Variants in CTTNBP2 observed in about 807,000 individuals in gnomAD.
The protein encoded by CTTNBP2 is cortactin binding protein 2, also known as cortactin-binding protein 2.
A neutral mutation model predicts 156.9 loss-of-function variants in CTTNBP2; 108 were observed. That is an observed-to-expected ratio of 0.69 (90% confidence interval 0.59 to 0.81). The LOEUF is 0.81. Ranked by LOEUF, CTTNBP2 falls within the 30% of genes least tolerant of loss-of-function variation. The probability of loss-of-function intolerance (pLI) is 0.00; values close to 1 mark genes in which losing one functional copy is unlikely to be tolerated. For synonymous variants in CTTNBP2, 767 were observed against 751.8 expected, an observed-to-expected ratio of 1.02 and a Z score of -0.33; for missense variants, 1,924 against 2,035.4, an observed-to-expected ratio of 0.95 and a Z score of 1.05.
chr7:117,847,456 A>C (rs35332497), intron 2 of CTTNBP2, among the ~76,000 whole-genome samples: 1 of 152,194 alleles, frequency 6.6e-6, no homozygotes, highest in Admixed American at 6.5e-5. Flanking sequence ...GAATTGCTTA[A>C]ATCAGGAGGC....
intron 22 of CTTNBP2, 73 bp downstream of exon 22, chr7:117,717,945 C>T: frequency 1.1e-6 from 1 of 944,940 alleles, no homozygotes; most frequent in Non-Finnish European, 1.7e-6. Context: ...GTGATTCACA[C>T]TGAAAGATGA....
chr7:117,835,479 C>A (rs2117100724), intron 2 of CTTNBP2, among the ~76,000 whole-genome samples: 1 of 152,300 alleles, frequency 6.6e-6, no homozygotes, highest in Non-Finnish European at 1.5e-5. Context: ...GAAGCAGATT[C>A]AAACAAGGCA....
Position 117,777,528 on chromosome 7 carries a change from C to T in CTTNBP2, c.2761G>A (p.Ala921Thr), listed in dbSNP as rs780606945. 3.1e-6 allele frequency: 5 copies of T among 1,613,038 alleles called. No homozygotes were observed. The highest frequency in any genetic ancestry group is 4.2e-6 in the Non-Finnish European group (5 of 1,179,780). Reference sequence around the variant, plus strand: ...AGACACACCTTAAAACCTTTGGAAGCAGCAATGTGGGCAGCAGTCCAGCCT... The same window carrying T: ...AGACACACCTTAAAACCTTTGGAAGTAGCAATGTGGGCAGCAGTCCAGCCT... ...REGWTAAHIA[A>T]SKGFKNCLEI... Residue 921 changes from alanine (A) to threonine (T), a missense_variant, in exon 8 of 23, where the codon GCT (alanine) becomes ACT (threonine). Physicochemically the swap from Ala to Thr is moderately conservative, Grantham distance 58. Transcript: ENST00000160373.
chr7:117,774,636 CATGG>C (rs996555715), intron 8 of CTTNBP2, among the ~76,000 whole-genome samples: 2 of 148,220 alleles, frequency 1.3e-5, no homozygotes, highest in African/African-American at 5.0e-5. Flanking sequence ...CACCCCCAAC[CATGG>C]AAAAATTGTC....
chr7:117,838,671 C>T (rs1173495265), intron 2 of CTTNBP2, among the ~76,000 whole-genome samples: 5 of 151,898 alleles, frequency 3.3e-5, no homozygotes, highest in East Asian at 3.9e-4. Context: ...TGGAGACAGA[C>T]GAATCTCCAT....
intron 2 of CTTNBP2, among the ~76,000 whole-genome samples, chr7:117,830,779 C>T (rs1801553285): frequency 6.6e-6 from 1 of 152,158 alleles, no homozygotes; most frequent in Admixed American, 6.5e-5. Context: ...TGGAAGCTGC[C>T]TGCTCTGCAC....
chr7:117,796,364 C>A (rs945667485), intron 3 of CTTNBP2, among the ~76,000 whole-genome samples: 1 of 152,114 alleles, frequency 6.6e-6, no homozygotes, highest in Non-Finnish European at 1.5e-5. Context: ...AGCTCAGAGA[C>A]AAACTATGTG....
At chr7:117,794,522 C>T (rs1325896974) in intron 3 of CTTNBP2, among the ~76,000 whole-genome samples, 2 of 152,184 alleles carry the variant, frequency 1.3e-5, no homozygotes, top group Non-Finnish European at 2.9e-5. Context: ...AAGGAAGATA[C>T]TCTCATGATC....
At chr7:117,780,214 G>A (rs1309502590) in intron 7 of CTTNBP2, among the ~76,000 whole-genome samples, 2 of 152,168 alleles carry the variant, frequency 1.3e-5, no homozygotes, top group Non-Finnish European at 1.5e-5. Flanking sequence ...TTTCCTGTTT[G>A]ACAGATTAAT....
At chr7:117,719,157 C>T (rs193110566) in intron 21 of CTTNBP2, among the ~76,000 whole-genome samples, 238 of 152,194 alleles carry the variant, frequency 1.6e-3, no homozygotes, top group Admixed American at 2.5e-3. Flanking sequence ...GCCAAGATCC[C>T]GCCACTGCAC....
intron 8 of CTTNBP2, among the ~76,000 whole-genome samples, chr7:117,772,034 C>T (rs34469059): frequency 0.018 from 2,767 of 152,212 alleles, 30 homozygotes; most frequent in South Asian, 0.033. Context: ...CAGAAGTGTG[C>T]CTAGGGGAGC....
chr7:117,760,623 A>G lies in CTTNBP2; in HGVS notation c.2984T>C (p.Ile995Thr), dbSNP rs770354459. Reference sequence around the variant, plus strand: ...CTGTTTGCGGATATTTAAAGCACATATTGTGTTTTCACATTCCAAGTCATC... The same window carrying G: ...CTGTTTGCGGATATTTAAAGCACATGTTGTGTTTTCACATTCCAAGTCATC... Reference protein sequence around the residue: ...GSDDLECENTICALNIRKQTS... With the variant: ...GSDDLECENTTCALNIRKQTS... The change falls in exon 10 of 23, where the codon ATA becomes ACA. Residue 995 changes from isoleucine (I) to threonine (T), a missense_variant. By Grantham distance (89) the Ile-to-Thr change is moderately conservative. Transcript: ENST00000160373. 6.2e-7 allele frequency: 1 copy of G among 1,613,626 alleles called. No homozygotes were observed. The highest frequency in any genetic ancestry group is 8.5e-7 in the Non-Finnish European group (1 of 1,179,570).
At chr7:117,718,422 G>C (rs909180138) in intron 21 of CTTNBP2, among the ~76,000 whole-genome samples, 2 of 152,162 alleles carry the variant, frequency 1.3e-5, no homozygotes, top group Non-Finnish European at 2.9e-5. Flanking sequence ...AAATTTGCAA[G>C]ATTTTAATCA....
Position 117,873,404 on chromosome 7 carries a change from G to A in CTTNBP2, c.12C>T (p.Asp4=). 6.7e-7 allele frequency: 1 copy of A among 1,494,732 alleles called. No homozygotes were observed. The highest frequency in any genetic ancestry group is 8.9e-7 in the Non-Finnish European group (1 of 1,129,218). 92.6% of individuals were successfully genotyped at this position (1,494,732 alleles called of 1,614,324 possible). Residue 4 remains aspartate, a synonymous_variant, in exon 1 of 23, where the codon GAC becomes GAT. Transcript: ENST00000160373. ...ACAAGTCGGGCTCGCAGCTCGCGCC[G>A]TCCGTCGCCATCTTCCTGCTCTAGC... MAT[D]GASCEPDLSR...
chr7:117,739,108 C>T (rs1795858978), intron 14 of CTTNBP2, among the ~76,000 whole-genome samples: 1 of 152,194 alleles, frequency 6.6e-6, no homozygotes, highest in Non-Finnish European at 1.5e-5. Context: ...TCATTAGTAC[C>T]TACTTTTCCA....
intron 2 of CTTNBP2, among the ~76,000 whole-genome samples, chr7:117,847,870 G>A (rs1802696146): frequency 7.2e-6 from 1 of 138,132 alleles, no homozygotes. Context: ...TCTTGCCGGA[G>A]GGCAGTGGTG....
intron 19 of CTTNBP2, among the ~76,000 whole-genome samples, chr7:117,723,024 G>A (rs1441773132): frequency 6.6e-6 from 1 of 152,152 alleles, no homozygotes; most frequent in Non-Finnish European, 1.5e-5. Flanking sequence ...CCTTGCTACA[G>A]AAAGTCATCT....
intron 8 of CTTNBP2, among the ~76,000 whole-genome samples, chr7:117,774,909 AT>A (rs983494770): frequency 2.0e-5 from 3 of 152,124 alleles, no homozygotes; most frequent in Non-Finnish European, 4.4e-5. Context: ...TCAGAGCCGT[AT>A]TTTTTTCAGA....
chr7:117,759,539 T>C (rs2116643361), intron 10 of CTTNBP2, among the ~76,000 whole-genome samples: 1 of 152,350 alleles, frequency 6.6e-6, no homozygotes, highest in South Asian at 2.1e-4. Context: ...AATAAAACAC[T>C]TTCTGATGTA....
Sources: allele counts gnomAD v4.1 joint callset (sites outside exome capture counted in the v4.1 genomes callset), GRCh38; gene constraint gnomAD v4.1.1; transcripts MANE v1.5; gene names NCBI Gene and HGNC (gene_info 2026-07-23, HGNC 2026-07-21).